Variants in CNTNAP2 observed in about 807,000 individuals in gnomAD.
CNTNAP2 encodes the protein contactin associated protein 2.
In CNTNAP2, 98 loss-of-function variants were observed where a neutral mutation model predicts 155.2. That is an observed-to-expected ratio of 0.63 (90% CI 0.54 to 0.75). The LOEUF (loss-of-function observed/expected upper bound fraction) is 0.75, where lower values mean the gene tolerates loss of function less well. Ranked by LOEUF, CNTNAP2 falls within the 30% of genes least tolerant of loss-of-function variation. The pLI, the probability that CNTNAP2 is intolerant of heterozygous loss-of-function variation, is 0.00. For synonymous variants in CNTNAP2, 651 were observed against 631.2 expected (o/e 1.03, Z -0.47); for missense variants, 1,727 against 1,688.1 (o/e 1.02, Z -0.40).
At chr7:146,204,381 A>G (rs35532341) in intron 1 of CNTNAP2, among the ~76,000 whole-genome samples, 16,958 of 152,180 alleles carry the variant, frequency 0.11, 1,235 homozygotes, top group Non-Finnish European at 0.17. Flanking sequence ...GGGAATTGTA[A>G]TAGGTATACC....
intron 3 of CNTNAP2, among the ~76,000 whole-genome samples, chr7:146,851,966 AT>A (rs1469207779): frequency 6.6e-6 from 1 of 152,110 alleles, no homozygotes; most frequent in Admixed American, 6.6e-5. Flanking sequence ...GATTGTAGGC[AT>A]GAGTCACTGT....
chr7:147,810,764 C>T (rs1798166701), intron 13 of CNTNAP2, among the ~76,000 whole-genome samples: 1 of 152,124 alleles, frequency 6.6e-6, no homozygotes, highest in African/African-American at 2.4e-5. Flanking sequence ...AGTTAAAATA[C>T]CCAATTTCGT....
intron 2 of CNTNAP2, among the ~76,000 whole-genome samples, chr7:146,827,335 T>C (rs570200449): frequency 1.3e-5 from 2 of 152,172 alleles, no homozygotes; most frequent in East Asian, 3.9e-4. Flanking sequence ...CTGATTTTCT[T>C]ATTGATATCC....
rs544148411 is a variant in CNTNAP2, at chr7:147,612,425, C to T, written c.1898-26681C>T. Among the ~76,000 whole-genome samples the T allele has an allele frequency of 3.7e-3, 508 of 135,774 alleles. 4 individuals carry two copies. Among genetic ancestry groups the T allele is most frequent in the African/African-American group, 0.014 (491 of 35,684 alleles). The allele number at this position is 135,774 out of a possible 152,430, so 89.1% of individuals were successfully genotyped here. A position where few individuals can be genotyped will look rare whatever the true frequency, so the allele number is the denominator to read the frequency against. ...TCTTTTTTTTTTTTTTTTTCTGAGA[C>T]GGAGTCTTTCTGTTGCCCAGGCTAG... On this transcript the variant is annotated intron_variant, in intron 12 of 23. Transcript: ENST00000361727.
chr7:147,325,805 G>C (rs573220488), intron 9 of CNTNAP2, among the ~76,000 whole-genome samples: 15 of 152,142 alleles, frequency 9.9e-5, no homozygotes, highest in Non-Finnish European at 1.8e-4. Flanking sequence ...CTTGTTATAT[G>C]ACCATCATCA....
chr7:147,070,382 A>G (rs1038992786), intron 4 of CNTNAP2, among the ~76,000 whole-genome samples: 7 of 152,238 alleles, frequency 4.6e-5, no homozygotes, highest in Admixed American at 4.6e-4. Flanking sequence ...TTCTGTAGCC[A>G]AAACCACATA....
intron 1 of CNTNAP2, among the ~76,000 whole-genome samples, chr7:146,655,749 C>A (rs1378631188): frequency 6.6e-6 from 1 of 152,054 alleles, no homozygotes; most frequent in African/African-American, 2.4e-5. Context: ...TTCTATTTAT[C>A]TGTGAAGTCC....
chr7:147,783,108 A>C (rs1041087034), intron 13 of CNTNAP2, among the ~76,000 whole-genome samples: 2 of 152,238 alleles, frequency 1.3e-5, no homozygotes, highest in African/African-American at 4.8e-5. Context: ...GTTTTCACTT[A>C]AACAATCCCT....
intron 1 of CNTNAP2, among the ~76,000 whole-genome samples, chr7:146,386,679 C>A (rs1261487004): frequency 6.6e-6 from 1 of 152,196 alleles, no homozygotes; most frequent in Non-Finnish European, 1.5e-5. Flanking sequence ...AGCCACCGTG[C>A]CTGGTCCACA....
chr7:147,306,571 T>C (rs921823867), intron 9 of CNTNAP2, among the ~76,000 whole-genome samples: 18 of 152,326 alleles, frequency 1.2e-4, no homozygotes, highest in Middle Eastern at 3.4e-3. Flanking sequence ...AAAAACAAAG[T>C]GTAAATGATA....
chr7:148,289,911 T>C (rs1487867646), intron 21 of CNTNAP2, among the ~76,000 whole-genome samples: 1 of 152,238 alleles, frequency 6.6e-6, no homozygotes, highest in Non-Finnish European at 1.5e-5. Flanking sequence ...TTTTAAAGCC[T>C]GAGTTATTTT....
rs528817506 is a variant in CNTNAP2 at position 147,503,526 on chromosome 7, C to G, written c.1777+17485C>G. Among the ~76,000 whole-genome samples the G allele has an allele frequency of 8.5e-5, 13 of 152,224 alleles. No homozygotes were observed. In the South Asian group the frequency reaches 2.7e-3, roughly 32 times the overall value. On this transcript the variant is annotated intron_variant, in intron 11 of 23. Transcript: ENST00000361727. ...AGCTCCCTGTGTCCCCTGTGCTTTCCCAGCTCCGTTATGCCATCCCCTAAC... is the reference window on the plus strand; with the variant it reads ...AGCTCCCTGTGTCCCCTGTGCTTTCGCAGCTCCGTTATGCCATCCCCTAAC...
chr7:146,712,945 G>A (rs1412142260), intron 1 of CNTNAP2, among the ~76,000 whole-genome samples: 1 of 151,608 alleles, frequency 6.6e-6, no homozygotes, highest in African/African-American at 2.4e-5. Flanking sequence ...TTCCCTTAAT[G>A]TTGATTTCTT....
chr7:147,987,342 C>T (rs1185099923), intron 15 of CNTNAP2, among the ~76,000 whole-genome samples: 1 of 152,126 alleles, frequency 6.6e-6, no homozygotes, highest in Admixed American at 6.5e-5. Context: ...TGAAATGGGA[C>T]GTAAAATTGG....
At chr7:146,151,631 A>G (rs1798039070) in intron 1 of CNTNAP2, among the ~76,000 whole-genome samples, 1 of 111,660 alleles carries the variant, frequency 9.0e-6, no homozygotes, top group Non-Finnish European at 1.9e-5. Context: ...GACAAAGAAA[A>G]CGTGATATAT....
chr7:146,503,539 T>C (rs1239729363), intron 1 of CNTNAP2, among the ~76,000 whole-genome samples: 2 of 152,208 alleles, frequency 1.3e-5, no homozygotes, highest in Non-Finnish European at 2.9e-5. Flanking sequence ...TTTCTTCTAG[T>C]AGTTTCAGAG....
At chr7:147,365,950 C>T (rs1796223221) in intron 9 of CNTNAP2, among the ~76,000 whole-genome samples, 1 of 152,104 alleles carries the variant, frequency 6.6e-6, no homozygotes, top group Non-Finnish European at 1.5e-5. Flanking sequence ...ATTCTCTTTC[C>T]TTAAATAGTT....
intron 9 of CNTNAP2, among the ~76,000 whole-genome samples, chr7:147,335,547 C>A (rs1445758967): frequency 6.6e-6 from 1 of 151,992 alleles, no homozygotes; most frequent in Non-Finnish European, 1.5e-5. Context: ...CTTGAGCCCC[C>A]AAAGAAAATA....
chr7:148,369,090 C>T (rs1798837868), intron 21 of CNTNAP2, among the ~76,000 whole-genome samples: 1 of 150,846 alleles, frequency 6.6e-6, no homozygotes, highest in South Asian at 2.1e-4. Flanking sequence ...GTTTCAAATG[C>T]TAAGCATACA....
Sources: gnomAD v4.1 joint callset for allele counts (sites outside exome capture counted in the v4.1 genomes callset) on GRCh38, gnomAD v4.1.1 for gene constraint, MANE v1.5 for transcripts, NCBI Gene and HGNC (gene_info 2026-07-23, HGNC 2026-07-21) for gene names.